Variants in CADPS2 observed in about 807,000 individuals in gnomAD.
CADPS2 encodes calcium dependent secretion activator 2, also known as calcium-dependent secretion activator 2.
CADPS2 carries 93 observed loss-of-function variants against 172.5 expected under a neutral mutation model. That is an observed-to-expected ratio of 0.54 (90% CI 0.46 to 0.64). The LOEUF (loss-of-function observed/expected upper bound fraction) is 0.64. Ranked by LOEUF, CADPS2 falls within the 30% of genes least tolerant of loss-of-function variation. The pLI is 0.00. For synonymous variants in CADPS2, 546 were observed against 555.2 expected (o/e 0.98, Z 0.23); for missense variants, 1,420 against 1,565.9 (o/e 0.91, Z 1.57).
chr7:122,656,517 AG>A (rs2079815714), intron 3 of CADPS2, among the ~76,000 whole-genome samples: 1 of 152,198 alleles, frequency 6.6e-6, no homozygotes, highest in Admixed American at 6.6e-5. Flanking sequence ...ATATGGTAGT[AG>A]GAGGGAGCAA....
chr7:122,685,375 T>C (rs1335470564), intron 2 of CADPS2, among the ~76,000 whole-genome samples: 1 of 152,142 alleles, frequency 6.6e-6, no homozygotes, highest in East Asian at 1.9e-4. Context: ...ACAAAGAAAA[T>C]CAAATTCTTC....
intron 14 of CADPS2, among the ~76,000 whole-genome samples, chr7:122,469,288 CTG>C (rs773080173): frequency 2.0e-5 from 3 of 152,134 alleles, no homozygotes; most frequent in African/African-American, 4.8e-5. Context: ...TTTTACCTTT[CTG>C]TGTGGATGAA....
chr7:122,431,973 C>T (rs951767471), intron 17 of CADPS2, among the ~76,000 whole-genome samples: 1 of 152,144 alleles, frequency 6.6e-6, no homozygotes, highest in Admixed American at 6.6e-5. Context: ...GTTGATACAT[C>T]ACATATAAAA....
chr7:122,399,429 C>T (rs949660157), intron 20 of CADPS2, among the ~76,000 whole-genome samples: 3 of 151,996 alleles, frequency 2.0e-5, no homozygotes, highest in Non-Finnish European at 4.4e-5. Flanking sequence ...CTTAATTAAC[C>T]GAAGCTTATA....
intron 14 of CADPS2, among the ~76,000 whole-genome samples, chr7:122,454,516 T>C (rs2152060158): frequency 6.6e-6 from 1 of 152,322 alleles, no homozygotes; most frequent in East Asian, 1.9e-4. Context: ...ATGGAGTATT[T>C]TGAATACCCT....
chr7:122,779,206 T>G (rs979218360), intron 1 of CADPS2, among the ~76,000 whole-genome samples: 2 of 152,146 alleles, frequency 1.3e-5, no homozygotes, highest in Non-Finnish European at 2.9e-5. Context: ...CTTAGCAGTA[T>G]GAAAATGGAC....
intron 1 of CADPS2, among the ~76,000 whole-genome samples, chr7:122,832,257 T>C (rs1806779024): frequency 1.4e-5 from 2 of 144,910 alleles, no homozygotes; most frequent in Admixed American, 7.0e-5. Flanking sequence ...AGGTCTTAGG[T>C]AAAACAGAGA....
At chr7:122,427,253 A>G (rs2049287929) in intron 17 of CADPS2, 1 of 152,156 alleles carries the variant, frequency 6.6e-6, no homozygotes, top group Admixed American at 6.5e-5. Flanking sequence ...GATATATTTA[A>G]TTAACTATTT....
intron 7 of CADPS2, among the ~76,000 whole-genome samples, chr7:122,575,180 A>C (rs2067848429): frequency 6.7e-6 from 1 of 149,930 alleles, no homozygotes; most frequent in African/African-American, 2.4e-5. Context: ...AATAAAAGTA[A>C]AAAAAAAAGG....
At chr7:122,548,340 T>G (rs2063838642) in intron 8 of CADPS2, among the ~76,000 whole-genome samples, 1 of 152,056 alleles carries the variant, frequency 6.6e-6, no homozygotes. Flanking sequence ...ACCACTGCAC[T>G]ACAGCCTGGG....
In CADPS2 at chr7:122,886,105, TCATCGTCCAGCTGC is replaced by T; in HGVS notation, c.219_232del (p.Gln74AlafsTer37). On this transcript the variant is annotated frameshift_variant, in exon 1 of 30. Transcript: ENST00000449022. LOFTEE classifies it high-confidence loss of function. ...CTGCAGGCGGATCCTCCGCTCCTGC[TCATCGTCCAGCTGC>T]CGCTGGGGCTCGTCTCGCCCCTCGC... 1 of 1,572,876 alleles carries T rather than the reference TCATCGTCCAGCTGC, an allele frequency of 6.4e-7. No homozygotes were observed. Among genetic ancestry groups the T allele is most frequent in the Non-Finnish European group, 8.6e-7 (1 of 1,160,018 alleles).
chr7:122,619,440 C>T (rs1284074884), intron 5 of CADPS2, among the ~76,000 whole-genome samples: 1 of 150,810 alleles, frequency 6.6e-6, no homozygotes, highest in Non-Finnish European at 1.5e-5. Flanking sequence ...TGGCGAAACC[C>T]CATCTTTACT....
At chr7:122,624,418 T>G (rs2134058776) in intron 4 of CADPS2, among the ~76,000 whole-genome samples, 1 of 152,306 alleles carries the variant, frequency 6.6e-6, no homozygotes. Context: ...TCTTATGCGC[T>G]CTTAACCTTC....
intron 19 of CADPS2, among the ~76,000 whole-genome samples, chr7:122,408,251 T>C (rs948954479): frequency 6.6e-6 from 1 of 152,136 alleles, no homozygotes; most frequent in Non-Finnish European, 1.5e-5. Context: ...AATGATAGCG[T>C]AGTAAATATT....
chr7:122,362,901 A>G (rs2040363315), intron 25 of CADPS2, among the ~76,000 whole-genome samples: 1 of 152,206 alleles, frequency 6.6e-6, no homozygotes, highest in South Asian at 2.1e-4. Context: ...TTTCTCCATC[A>G]CATCATTTGC....
At chr7:122,716,684 A>AAAAT (rs1277900454) in intron 2 of CADPS2, among the ~76,000 whole-genome samples, 18 of 152,262 alleles carry the variant, frequency 1.2e-4, no homozygotes, top group African/African-American at 4.1e-4. Flanking sequence ...ATAACAATTA[A>AAAAT]AAATAAATAA....
intron 27 of CADPS2, among the ~76,000 whole-genome samples, chr7:122,353,028 A>G (rs1289682515): frequency 6.6e-6 from 1 of 152,204 alleles, no homozygotes; most frequent in Non-Finnish European, 1.5e-5. Context: ...TTCAAAGCAC[A>G]TTCACGTTAA....
At chr7:122,525,164 G>A (rs1393035767) in intron 8 of CADPS2, among the ~76,000 whole-genome samples, 1 of 151,814 alleles carries the variant, frequency 6.6e-6, no homozygotes, top group Non-Finnish European at 1.5e-5. Context: ...TCTTTAAAAA[G>A]TTTTCTTTAA....
intron 6 of CADPS2, among the ~76,000 whole-genome samples, chr7:122,583,186 AT>A (rs1348234317): frequency 1.3e-5 from 2 of 152,042 alleles, no homozygotes; most frequent in Non-Finnish European, 2.9e-5. Flanking sequence ...ATTCTACAAT[AT>A]TTATCACCAT....
Sources: allele counts gnomAD v4.1 joint callset (sites outside exome capture counted in the v4.1 genomes callset), GRCh38; gene constraint gnomAD v4.1.1; transcripts MANE v1.5; gene names NCBI Gene and HGNC (gene_info 2026-07-23, HGNC 2026-07-21).